Variants in ABAT observed in about 807,000 individuals in gnomAD.
ABAT encodes 4-aminobutyrate aminotransferase.
A neutral mutation model predicts 64.6 loss-of-function variants in ABAT; 45 were observed. The ratio of observed to expected loss-of-function variants is 0.70; its 90% CI spans 0.55 to 0.89. The LOEUF is 0.89. ABAT is among the 40% of genes least tolerant of loss of function. ABAT has a pLI of 0.00. For missense variants in ABAT, 633 were observed against 658.4 expected, an observed-to-expected ratio of 0.96 and a Z score of 0.42; for synonymous variants, 297 against 250.5, an observed-to-expected ratio of 1.19 and a Z score of -1.75.
chr16:8,691,918 A>T (rs1440997013), intron 1 of ABAT, among the ~76,000 whole-genome samples: 1 of 152,154 alleles, frequency 6.6e-6, no homozygotes, highest in Non-Finnish European at 1.5e-5. Context: ...AGGTTGCAAA[A>T]CCCTGAATAA....
intron 5 of ABAT, among the ~76,000 whole-genome samples, chr16:8,750,813 T>C (rs1424098804): frequency 6.6e-6 from 1 of 152,062 alleles, no homozygotes; most frequent in African/African-American, 2.4e-5. Context: ...CATAGAAAGG[T>C]TTGGTACCTT....
chr16:8,689,558 T>C lies in ABAT; in HGVS notation c.-42+14847T>C, dbSNP rs1198317537. 2.0e-5 allele frequency among the ~76,000 whole-genome samples: 3 copies of C among 152,216 alleles called. No individual in the cohort carries two copies. The East Asian group carries it at 5.8e-4, about 29-fold the overall frequency. ...TTCTACCTTAAAGTGTATAGTCTTA[T>C]AAGTGACAAGACATGAACCAAATAA... On this transcript the variant is annotated intron_variant, in intron 1 of 15. Coordinates refer to ENST00000268251, the MANE Select transcript of ABAT (RefSeq NM_020686.6).
At chr16:8,677,965 G>T (rs906468743) in intron 1 of ABAT, among the ~76,000 whole-genome samples, 3 of 152,008 alleles carry the variant, frequency 2.0e-5, no homozygotes, top group Non-Finnish European at 2.9e-5. Flanking sequence ...AGGCTGAGGT[G>T]GGGGGATTGC....
chr16:8,743,628 A>C (rs185007138), intron 2 of ABAT, among the ~76,000 whole-genome samples: 2 of 91,112 alleles, frequency 2.2e-5, no homozygotes, highest in African/African-American at 4.2e-5. Context: ...TATATGATAT[A>C]TATTTTAGTT....
chr16:8,692,129 C>A (rs956091020), intron 1 of ABAT, among the ~76,000 whole-genome samples: 1 of 152,104 alleles, frequency 6.6e-6, no homozygotes, highest in South Asian at 2.1e-4. Flanking sequence ...GTCTGTAATC[C>A]CAGAACTTTG....
rs1052469616 is a variant in ABAT, at chr16:8,768,932, G to C, written c.775G>C (p.Val259Leu). 3.1e-6 allele frequency: 5 copies of C among 1,614,054 alleles called. No individual in the cohort carries two copies. Among genetic ancestry groups the C allele is most frequent in the Non-Finnish European group, 4.2e-6 (5 of 1,180,038 alleles). Residue 259 changes from valine (V) to leucine (L), a missense_variant, in exon 11 of 16, where the codon GTG becomes CTG. By Grantham distance (32) the Val-to-Leu change is conservative. Coordinates refer to ENST00000268251, the MANE Select transcript of ABAT (RefSeq NM_020686.6). Reference sequence around the variant, plus strand: ...GCTGAAATACCCTCTGGAAGAGTTTGTGAAAGAGAACCAACAGGAGGAGGC... The same window carrying C: ...GCTGAAATACCCTCTGGAAGAGTTTCTGAAAGAGAACCAACAGGAGGAGGC... ...PRLKYPLEEF[V>L]KENQQEEARC... is the part of the protein sequence containing the mutation.
chr16:8,714,200 C>T (rs1326414751), intron 1 of ABAT, among the ~76,000 whole-genome samples: 1 of 152,212 alleles, frequency 6.6e-6, no homozygotes, highest in East Asian at 1.9e-4. Flanking sequence ...GCTTGCAACA[C>T]CACAGTCCGC....
intron 1 of ABAT, chr16:8,722,687 G>T: frequency 8.4e-6 from 5 of 594,604 alleles, no homozygotes; most frequent in Admixed American, 3.2e-5. Flanking sequence ...CAACCTCCTT[G>T]GTCACAATTT....
At chr16:8,741,675 A>G (rs758931143) in intron 2 of ABAT, among the ~76,000 whole-genome samples, 19 of 152,176 alleles carry the variant, frequency 1.2e-4, no homozygotes, top group Non-Finnish European at 2.1e-4. Context: ...CTTGTGGTGT[A>G]TTGTTATATG....
intron 1 of ABAT, among the ~76,000 whole-genome samples, chr16:8,727,464 A>G (rs950207426): frequency 6.6e-6 from 1 of 152,174 alleles, no homozygotes. Context: ...TTGAAGATGC[A>G]GCTCAGGCAA....
chr16:8,760,086 A>G (rs8061716), intron 6 of ABAT: 119,888 of 152,124 alleles, frequency 0.79, 47,577 homozygotes, highest in Non-Finnish European at 0.84. Flanking sequence ...GTGGACGTTC[A>G]CGTGTGTGTG....
At position 8,724,897 on chromosome 16, in the gene ABAT, G is replaced by A. The variant is rs1041527734; in HGVS notation, c.-41-10802G>A. ...TCTCCCTTCCCATCTACAAAAGACA[G>A]CCAACTCCAATATCTCTTTTTTCTT... On this transcript the variant is annotated intron_variant, in intron 1 of 15. Coordinates refer to ENST00000268251, the MANE Select transcript of ABAT (RefSeq NM_020686.6). Among the ~76,000 whole-genome samples, 5 of 144,318 alleles carry A rather than the reference G, an allele frequency of 3.5e-5. No homozygotes were observed. The East Asian group carries it at 1.0e-3, about 29-fold the overall frequency. 94.7% of individuals were successfully genotyped at this position (144,318 alleles called of 152,430 possible).
At position 8,682,860 on chromosome 16, in the gene ABAT, A is replaced by G. The variant is rs1029231429; in HGVS notation, c.-42+8149A>G. 6.6e-5 allele frequency among the ~76,000 whole-genome samples: 10 copies of G among 152,344 alleles called. No individual in the cohort carries two copies. In the South Asian group the frequency reaches 1.9e-3, roughly 28 times the overall value. ...AAATGCAGAATCTTGGGCCCCACCC[A>G]GAACTACAGAATGTGAATCTGCGTT... On this transcript the variant is annotated intron_variant, in intron 1 of 15. Transcript: ENST00000268251.
intron 1 of ABAT, chr16:8,722,964 C>G: frequency 1.1e-6 from 1 of 913,492 alleles, no homozygotes. Flanking sequence ...TCCAGCCAGG[C>G]AAGGTGGCTC....
At chr16:8,762,504 C>T (rs1794852813) in intron 6 of ABAT, among the ~76,000 whole-genome samples, 1 of 152,194 alleles carries the variant, frequency 6.6e-6, no homozygotes, top group Admixed American at 6.5e-5. Flanking sequence ...AAGCCAAAGC[C>T]AATTATCTTC....
intron 1 of ABAT, among the ~76,000 whole-genome samples, chr16:8,723,202 C>A (rs147855648): frequency 6.6e-6 from 1 of 152,304 alleles, no homozygotes; most frequent in Non-Finnish European, 1.5e-5. Context: ...CAGTGCACTC[C>A]AGCCTGGGTG....
intron 1 of ABAT, among the ~76,000 whole-genome samples, chr16:8,700,297 A>G (rs567285337): frequency 6.6e-6 from 1 of 152,280 alleles, no homozygotes; most frequent in South Asian, 2.1e-4. Context: ...CTTTCCTGAT[A>G]TTCTCTTCCT....
In ABAT at chr16:8,776,624, G is replaced by C; in HGVS notation, c.1269+134G>C. The C allele has an allele frequency of 1.0e-6, 1 of 966,228 alleles. No homozygotes were observed. Among genetic ancestry groups the C allele is most frequent in the African/African-American group, 1.6e-5 (1 of 62,248 alleles). The allele number at this position is 966,228 out of a possible 1,614,324, so 59.9% of individuals were successfully genotyped here. On this transcript the variant is annotated intron_variant, in intron 14 of 15. Transcript: ENST00000268251. The surrounding 1 kb of genome is among the most constrained non-coding windows in gnomAD (Gnocchi z 4.4). ...TTCGTAACGGGCTGTGCTGCTCCTA[G>C]CCTTGGGGGCTTTGCACATGCTGTG... is the stretch of plus-strand genomic sequence containing the variant.
intron 1 of ABAT, among the ~76,000 whole-genome samples, chr16:8,723,771 A>G (rs1297259118): frequency 6.8e-6 from 1 of 147,866 alleles, no homozygotes; most frequent in African/African-American, 2.5e-5. Context: ...CTGTTGTACA[A>G]GTACCTAAGA....
Sources: allele counts gnomAD v4.1 joint callset (sites outside exome capture counted in the v4.1 genomes callset), GRCh38; gene constraint gnomAD v4.1.1; non-coding constraint Gnocchi (gnomAD v3.1); transcripts MANE v1.5; gene names NCBI Gene and HGNC (gene_info 2026-07-23, HGNC 2026-07-21).